The following CYP2B6 variants were observed in gnomAD, a reference collection of about 807,000 sequenced individuals.
CYP2B6 encodes the protein cytochrome P450 2B6.
A neutral mutation model predicts 43.4 loss-of-function variants in CYP2B6; 35 were observed. The ratio of observed to expected loss-of-function variants is 0.81; its 90% CI spans 0.62 to 1.07. The LOEUF (loss-of-function observed/expected upper bound fraction) is 1.07, where lower values mean the gene tolerates loss of function less well. Among genes scored for constraint, CYP2B6 ranks in the 50% least tolerant of loss-of-function variants. CYP2B6 has a pLI of 0.00. For synonymous variants in CYP2B6, 239 were observed against 239.2 expected (o/e 1.00, Z 0.01); for missense variants, 624 against 632.8 (o/e 0.99, Z 0.15).
rs1028406383 is a variant in CYP2B6, at chr19:41,012,207, C to T, written c.965-91C>T. 1.7e-5 allele frequency: 22 copies of T among 1,289,746 alleles called. No individual in the cohort carries two copies. The Admixed American group carries it at 4.1e-4, about 24-fold the overall frequency. 79.9% of individuals were successfully genotyped at this position (1,289,746 alleles called of 1,614,324 possible). ...TCAAGGAATCCACCCACCTCAACCT[C>T]CAAAATTGCTGGGATTACAGGCATG... On this transcript the variant is annotated intron_variant, in intron 6 of 8. Transcript: ENST00000324071.
In CYP2B6 at chr19:40,992,077, C is replaced by T. The variant is rs145161040; in HGVS notation, c.171+601C>T. ...ATTAGCTGGGCATAGTGATGCGTGC[C>T]TGTAATCTCAGCTACCCAGGAGGCT... On this transcript the variant is annotated intron_variant, in intron 1 of 8. Coordinates refer to ENST00000324071, the MANE Select transcript of CYP2B6 (RefSeq NM_000767.5). 2.0e-3 allele frequency among the ~76,000 whole-genome samples: 301 copies of T among 151,870 alleles called. 2 individuals are homozygous for T. Among genetic ancestry groups the T allele is most frequent in the African/African-American group, 6.8e-3 (281 of 41,316 alleles).
At chr19:41,002,040 G>C (rs2144664902) in intron 1 of CYP2B6, among the ~76,000 whole-genome samples, 1 of 152,184 alleles carries the variant, frequency 6.6e-6, no homozygotes, top group Non-Finnish European at 1.5e-5. Context: ...AAATGTCAGA[G>C]AACAACATGG....
chr19:41,002,810 T>G (rs62109056), intron 1 of CYP2B6, among the ~76,000 whole-genome samples: 1 of 152,060 alleles, frequency 6.6e-6, no homozygotes, highest in East Asian at 1.9e-4. Flanking sequence ...GCCTCCCAAA[T>G]TGCTGGGATT....
intron 1 of CYP2B6, among the ~76,000 whole-genome samples, chr19:41,002,383 G>A (rs140154941): frequency 1.3e-3 from 205 of 152,116 alleles, no homozygotes; most frequent in African/African-American, 4.7e-3. Context: ...TGTAAAAAGC[G>A]CACAGCTCAA....
chr19:41,009,962 A>ACC (rs748673761), intron 5 of CYP2B6, 32 bp from the exon 6 acceptor site: 1 of 1,613,526 alleles, frequency 6.2e-7, no homozygotes, highest in Non-Finnish European at 8.5e-7. Context: ...GCCTCCCCTG[A>ACC]CCCTCCCCTT....
chr19:41,009,925 G>A, intron 5 of CYP2B6, 69 bp from the exon 6 acceptor site: 1 of 1,601,358 alleles, frequency 6.2e-7, no homozygotes, highest in Non-Finnish European at 8.5e-7. Context: ...CAGCCAGGGA[G>A]ATGGGCGTAT....
In CYP2B6 at chr19:40,991,441, A is replaced by C; in HGVS notation, c.136A>C (p.Met46Leu). 2.5e-6 allele frequency: 4 copies of C among 1,613,972 alleles called. No individual in the cohort carries two copies. Among genetic ancestry groups the C allele is most frequent in the Non-Finnish European group, 3.4e-6 (4 of 1,180,024 alleles). The change falls in exon 1 of 9, where the codon ATG becomes CTG. Residue 46 changes from methionine to leucine, a missense_variant. Transcript: ENST00000324071. ...GCCCCTTTTGGGAAACCTTCTGCAGATGGATAGAAGAGGCCTACTCAAATC... is the reference window on the plus strand; with the variant it reads ...GCCCCTTTTGGGAAACCTTCTGCAGCTGGATAGAAGAGGCCTACTCAAATC... ...PLPLLGNLLQ[M>L]DRRGLLKSFL...
intron 8 of CYP2B6, among the ~76,000 whole-genome samples, chr19:41,016,249 T>A (rs1210566144): frequency 1.3e-5 from 2 of 151,792 alleles, no homozygotes; most frequent in African/African-American, 4.8e-5. Flanking sequence ...TAGAAGAAAT[T>A]AGCCAGGCGT....
In CYP2B6 at chr19:41,012,805, C is replaced by A. The variant is rs1359658874; in HGVS notation, c.1284C>A (p.Pro428=). The A allele has an allele frequency of 6.2e-7, 1 of 1,614,036 alleles. No homozygotes were observed. The highest frequency in any genetic ancestry group is 8.5e-7 in the Non-Finnish European group (1 of 1,180,038). The change falls in exon 8 of 9, where the codon CCC becomes CCA. Residue 428 remains proline (P), a synonymous_variant. Transcript: ENST00000324071. ...TGAAAAAGACTGAAGCTTTTATCCC[C>A]TTCTCCTTAGGTAAGCTGGACCCAC... is the stretch of plus-strand genomic sequence containing the variant. ...GALKKTEAFI[P]FSLGKRICLG...
intron 6 of CYP2B6, among the ~76,000 whole-genome samples, chr19:41,011,556 G>C (rs567400360): frequency 1.3e-3 from 203 of 152,212 alleles, no homozygotes; most frequent in African/African-American, 4.8e-3. Flanking sequence ...TTATCCAGTT[G>C]TTCATGAATT....
intron 4 of CYP2B6, 72 bp downstream of exon 4, chr19:41,007,137 C>T (rs1255968025): frequency 6.7e-7 from 1 of 1,481,500 alleles, no homozygotes; most frequent in Non-Finnish European, 9.4e-7. Context: ...AAAAGGATGA[C>T]CTGTCTTGGG....
chr19:41,001,466 C>T (rs200923726), intron 1 of CYP2B6, among the ~76,000 whole-genome samples: 4 of 152,222 alleles, frequency 2.6e-5, no homozygotes, highest in East Asian at 1.9e-4. Context: ...TCCCAATAAG[C>T]TTCCAGATTC....
chr19:40,998,708 A>G lies in CYP2B6; in HGVS notation c.172-5293A>G, dbSNP rs1055866901. Among the ~76,000 whole-genome samples, 49 of 139,650 alleles carry G rather than the reference A, an allele frequency of 3.5e-4. 1 individual carries two copies. Among genetic ancestry groups the G allele is most frequent in the Non-Finnish European group, 6.4e-4 (42 of 65,204 alleles). 91.6% of individuals were successfully genotyped at this position (139,650 alleles called of 152,430 possible). A position where few individuals can be genotyped will look rare whatever the true frequency, so the allele number is the denominator to read the frequency against. On this transcript the variant is annotated intron_variant, in intron 1 of 8. Coordinates refer to ENST00000324071, the MANE Select transcript of CYP2B6 (RefSeq NM_000767.5). ...TTTGTTCTTGCGATAGTTTACTGAG[A>G]ATGATGATTTCCAATTTCATCCATG...
At chr19:41,002,382 C>T (rs989097325) in intron 1 of CYP2B6, among the ~76,000 whole-genome samples, 5 of 151,986 alleles carry the variant, frequency 3.3e-5, no homozygotes, top group African/African-American at 4.8e-5. Context: ...CTGTAAAAAG[C>T]GCACAGCTCA....
At chr19:41,016,166 C>T (rs576705503) in intron 8 of CYP2B6, among the ~76,000 whole-genome samples, 199 of 152,134 alleles carry the variant, frequency 1.3e-3, no homozygotes, top group African/African-American at 4.6e-3. Flanking sequence ...GAGGCCAAGG[C>T]AGGTGGATTA....
chr19:41,014,798 G>C lies in CYP2B6; in HGVS notation c.1295-1848G>C, dbSNP rs573735204. ...ACAGAGAGGAAGAGAGAGAGACACA[G>C]AGAGAGAGAGAGTCACGTAAGGAGA... On this transcript the variant is annotated intron_variant, in intron 8 of 8. Transcript: ENST00000324071. Among the ~76,000 whole-genome samples, 28 of 150,704 alleles carry C rather than the reference G, an allele frequency of 1.9e-4. No individual in the cohort carries two copies. In the East Asian group the frequency reaches 2.9e-3, roughly 16 times the overall value.
At chr19:41,014,457 C>T (rs573770608) in intron 8 of CYP2B6, among the ~76,000 whole-genome samples, 1 of 152,170 alleles carries the variant, frequency 6.6e-6, no homozygotes, top group South Asian at 2.1e-4. Context: ...GGGCGCATGC[C>T]ACCATGCCTG....
intron 5 of CYP2B6, 182 bp downstream of exon 5, chr19:41,009,577 A>C (rs1031865453): frequency 7.1e-6 from 5 of 708,946 alleles, no homozygotes; most frequent in Non-Finnish European, 1.2e-5. Flanking sequence ...AGGTGAAAGG[A>C]GGGAGAAAAT....
chr19:41,002,616 C>T (rs1969111690), intron 1 of CYP2B6, among the ~76,000 whole-genome samples: 5 of 152,042 alleles, frequency 3.3e-5, no homozygotes, highest in Admixed American at 6.5e-5. Flanking sequence ...GGCACTATCT[C>T]GCCTCACTGC....
Sources: allele counts gnomAD v4.1 joint callset (sites outside exome capture counted in the v4.1 genomes callset), GRCh38; gene constraint gnomAD v4.1.1; transcripts MANE v1.5; gene names NCBI Gene and HGNC (gene_info 2026-07-23, HGNC 2026-07-21).